Variants in TENM3 observed in about 807,000 individuals in gnomAD.
The protein encoded by TENM3 is teneurin-3.
A neutral mutation model predicts 255.1 loss-of-function variants in TENM3; 63 were observed. The ratio of observed to expected loss-of-function variants is 0.25; its 90% CI spans 0.20 to 0.30. The LOEUF (loss-of-function observed/expected upper bound fraction) is 0.30, where lower values mean the gene tolerates loss of function less well. Among genes scored for constraint, TENM3 ranks in the 10% least tolerant of loss-of-function variants. The pLI is 1.00. For synonymous variants in TENM3, 1,306 were observed against 1,322.3 expected (o/e 0.99, Z 0.27); for missense variants, 2,929 against 3,461.1 (o/e 0.85, Z 3.86).
chr4:181,683,984 C>T, the TENM3 span, among the ~76,000 whole-genome samples: 3 of 152,182 alleles, frequency 2.0e-5, no homozygotes, highest in Non-Finnish European at 4.4e-5. Flanking sequence ...AGAAATTAAC[C>T]TAATACCCAC....
the TENM3 span, among the ~76,000 whole-genome samples, chr4:181,837,657 A>C: frequency 2.0e-5 from 3 of 152,170 alleles, no homozygotes; most frequent in Non-Finnish European, 4.4e-5. Context: ...ACCTTGATAC[A>C]CATGCCTCCA....
chr4:182,716,563 C>A (rs1759192322), intron 13 of TENM3, among the ~76,000 whole-genome samples: 2 of 152,172 alleles, frequency 1.3e-5, no homozygotes, highest in Non-Finnish European at 2.9e-5. Flanking sequence ...TGCCAGCCTT[C>A]TTATGCCCTG....
At chr4:182,197,621 G>A (rs902820939) in intron 1 of TENM3, among the ~76,000 whole-genome samples, 6 of 152,158 alleles carry the variant, frequency 3.9e-5, no homozygotes, top group Non-Finnish European at 8.8e-5. Flanking sequence ...CCCTAAATAG[G>A]TACTGTGGTA....
chr4:182,124,955 ATGGTGAATCTTCC>A, the TENM3 span, among the ~76,000 whole-genome samples: 3 of 123,160 alleles, frequency 2.4e-5, no homozygotes, highest in African/African-American at 9.4e-5. Flanking sequence ...CCCTGCTGGG[ATGGTGAATCTTCC>A]CATTGCCCAG....
At chr4:182,621,945 A>G (rs1255531848) in intron 4 of TENM3, among the ~76,000 whole-genome samples, 1 of 149,314 alleles carries the variant, frequency 6.7e-6, no homozygotes, top group Non-Finnish European at 1.5e-5. Flanking sequence ...ACTGTGCACC[A>G]GCCTGAGCAG....
chr4:181,920,256 G>T, the TENM3 span, among the ~76,000 whole-genome samples: 1 of 151,952 alleles, frequency 6.6e-6, no homozygotes, highest in Non-Finnish European at 1.5e-5. Context: ...CCCAGTAATG[G>T]GTTGGCTGGG....
intron 3 of TENM3, among the ~76,000 whole-genome samples, chr4:182,426,280 G>T (rs1343236685): frequency 1.3e-5 from 2 of 151,980 alleles, no homozygotes; most frequent in Non-Finnish European, 2.9e-5. Context: ...GGCCCATATT[G>T]GAGAAGAACC....
At chr4:182,502,282 C>T (rs1360647364) in intron 3 of TENM3, among the ~76,000 whole-genome samples, 1 of 152,152 alleles carries the variant, frequency 6.6e-6, no homozygotes, top group Non-Finnish European at 1.5e-5. Flanking sequence ...CTGGGGGCGG[C>T]AGAGGCGGTG....
chr4:181,750,944 C>T, the TENM3 span, among the ~76,000 whole-genome samples: 1 of 151,986 alleles, frequency 6.6e-6, no homozygotes, highest in Admixed American at 6.6e-5. Flanking sequence ...ACCAGCATGC[C>T]CTTGACTTAG....
chr4:182,565,197 G>A (rs535934391), intron 3 of TENM3, among the ~76,000 whole-genome samples: 211 of 152,270 alleles, frequency 1.4e-3, no homozygotes, highest in Non-Finnish European at 2.6e-3. Flanking sequence ...GTGAATCATA[G>A]TCTTGGTTAC....
At chr4:181,497,959 A>G in the TENM3 span, among the ~76,000 whole-genome samples, 2 of 152,216 alleles carry the variant, frequency 1.3e-5, no homozygotes, top group African/African-American at 4.8e-5. Flanking sequence ...TAGTCAACTC[A>G]CTGGCTTTCT....
At position 182,802,337 on chromosome 4, in the gene TENM3, C is replaced by G. The variant is rs554165192; in HGVS notation, c.*1986C>G. On this transcript the variant is annotated 3_prime_UTR_variant, in exon 28 of 28. Transcript: ENST00000511685. ...TATTATGAAGCCCAAATTTAGAAAA[C>G]TATGAGATTTCAAACCACATAAACA... The G allele has an allele frequency of 6.5e-6, 1 of 152,722 alleles. No homozygotes were observed. The highest frequency in any genetic ancestry group is 1.9e-4 in the East Asian group (1 of 5,190). The allele number at this position is 152,722 out of a possible 1,614,324, so 9.5% of individuals were successfully genotyped here.
intron 4 of TENM3, among the ~76,000 whole-genome samples, chr4:182,605,485 TAAAAAAA>T (rs10676569): frequency 2.1e-4 from 30 of 142,498 alleles, no homozygotes; most frequent in African/African-American, 7.3e-4. Flanking sequence ...ATCATTTATT[TAAAAAAA>T]AAAAAAAAAG....
the TENM3 span, among the ~76,000 whole-genome samples, chr4:181,872,689 T>G: frequency 6.6e-6 from 1 of 152,230 alleles, no homozygotes; most frequent in African/African-American, 2.4e-5. Context: ...TTTTCAGATT[T>G]TTTTCTTGAT....
chr4:181,648,693 C>A, the TENM3 span, among the ~76,000 whole-genome samples: 1 of 152,138 alleles, frequency 6.6e-6, no homozygotes, highest in African/African-American at 2.4e-5. Context: ...AAGGTATATC[C>A]TGTACTAGCC....
At chr4:181,897,797 C>A in the TENM3 span, among the ~76,000 whole-genome samples, 1 of 152,180 alleles carries the variant, frequency 6.6e-6, no homozygotes, top group Non-Finnish European at 1.5e-5. Flanking sequence ...ATGTTGGCAT[C>A]TTCTAATGCC....
At chr4:182,204,964 TGACTTTTCG>T (rs1304314362) in intron 1 of TENM3, among the ~76,000 whole-genome samples, 2 of 152,236 alleles carry the variant, frequency 1.3e-5, no homozygotes, top group African/African-American at 2.4e-5. Context: ...GCAAGCTTTG[TGACTTTTCG>T]GTTGCAGCAG....
intron 6 of TENM3, among the ~76,000 whole-genome samples, chr4:182,667,837 A>C (rs960718984): frequency 6.6e-6 from 1 of 152,128 alleles, no homozygotes; most frequent in South Asian, 2.1e-4. Context: ...ATTAGGAGAT[A>C]TACCTAATGT....
At chr4:182,191,703 A>T (rs945624686) in intron 1 of TENM3, among the ~76,000 whole-genome samples, 1 of 152,112 alleles carries the variant, frequency 6.6e-6, no homozygotes, top group African/African-American at 2.4e-5. Flanking sequence ...TTCCATGCTC[A>T]ATTTCACCCT....
Sources: allele counts gnomAD v4.1 joint callset (sites outside exome capture counted in the v4.1 genomes callset), GRCh38; gene constraint gnomAD v4.1.1; transcripts MANE v1.5; gene names NCBI Gene and HGNC (gene_info 2026-07-23, HGNC 2026-07-21).